SERPINE3: variants seen among roughly 807,000 people sequenced by gnomAD.
SERPINE3 encodes the protein serpin family E member 3.
Under a neutral mutation model 41.7 loss-of-function variants are expected in SERPINE3, and 43 were observed. That is an observed-to-expected ratio of 1.03 (90% confidence interval 0.81 to 1.33). The LOEUF is 1.33. Among genes scored for constraint, SERPINE3 ranks in the 40% most tolerant of loss-of-function variants. SERPINE3 has a pLI of 0.00. For synonymous variants in SERPINE3, 200 were observed against 192.2 expected, an observed-to-expected ratio of 1.04 and a Z score of -0.34; for missense variants, 440 against 491.7, an observed-to-expected ratio of 0.89 and a Z score of 0.99.
chr13:51,353,126 C>A (rs1006773796), intron 6 of SERPINE3, among the ~76,000 whole-genome samples: 1 of 152,068 alleles, frequency 6.6e-6, no homozygotes, highest in African/African-American at 2.4e-5. Context: ...TGTAGCATTT[C>A]TGCTGGATCT....
At chr13:51,346,977 G>A in intron 4 of SERPINE3, 48 bp from the exon 5 acceptor site, 1 of 1,417,842 alleles carries the variant, frequency 7.1e-7, no homozygotes. Flanking sequence ...GTTCGGTTCA[G>A]TTTCAATGCA....
At chr13:51,357,501 C>G (rs1955497945) in intron 7 of SERPINE3, among the ~76,000 whole-genome samples, 2 of 152,142 alleles carry the variant, frequency 1.3e-5, no homozygotes, top group Non-Finnish European at 2.9e-5. Flanking sequence ...ACCACCACAG[C>G]AAACATTTGG....
chr13:51,347,028 G>GGGGCCCCAGTGA lies in SERPINE3; in HGVS notation c.501_512dup (p.Ser168_Pro171dup). The GGGGCCCCAGTGA allele has an allele frequency of 1.3e-6, 2 of 1,575,916 alleles. No homozygotes were observed. The highest frequency in any genetic ancestry group is 8.6e-7 in the Non-Finnish European group (1 of 1,160,074). Reference sequence around the variant, plus strand: ...CACCTTGCTTTCCTGCTTGCAGGTGGGGGCCCCAGTGAGGGCCCTGGTGGC... The same window carrying GGGGCCCCAGTGA: ...CACCTTGCTTTCCTGCTTGCAGGTGGGGGCCCCAGTGAGGGCCCCAGTGAGGGCCCTGGTGGC... On this transcript the variant is annotated inframe_insertion, in exon 5 of 10. Coordinates refer to ENST00000681248, the MANE Select transcript of SERPINE3 (RefSeq NM_001386375.1).
At chr13:51,342,896 C>T (rs979031568) in intron 3 of SERPINE3, among the ~76,000 whole-genome samples, 1 of 152,166 alleles carries the variant, frequency 6.6e-6, no homozygotes, top group Non-Finnish European at 1.5e-5. Context: ...TTAAGTTAGG[C>T]TGATTCATGA....
intron 3 of SERPINE3, 80 bp from the exon 4 acceptor site, chr13:51,344,172 A>G (rs1955321165): frequency 2.0e-6 from 2 of 999,874 alleles, no homozygotes; most frequent in African/African-American, 1.6e-5. Context: ...GTTCCATCTC[A>G]ATGCAATGTG....
chr13:51,355,165 A>G, intron 7 of SERPINE3, 22 bp downstream of exon 7: 1 of 1,241,000 alleles, frequency 8.1e-7, no homozygotes, highest in Non-Finnish European at 1.2e-6. Context: ...TCTTCTTCCA[A>G]ACGTTCTAGC....
At position 51,348,325 on chromosome 13, in the gene SERPINE3, C is replaced by A; in HGVS notation, c.813C>A (p.Ser271Arg). The change falls in exon 6 of 10, where the codon AGC becomes AGA. Residue 271 changes from serine (S) to arginine (R), a missense_variant. Ser to Arg is a moderately radical substitution (Grantham distance 110). Coordinates refer to ENST00000681248, the MANE Select transcript of SERPINE3 (RefSeq NM_001386375.1). ...CCCGTGACAAAGACACCCCCCTGAG[C>A]CACATCGAGCCACACCTCACAGCCA... The part of the protein sequence containing the change: ...VLPRDKDTPL[S>R]HIEPHLTAST... The A allele has an allele frequency of 1.4e-5, 22 of 1,613,908 alleles. No individual in the cohort carries two copies. The highest frequency in any genetic ancestry group is 1.9e-5 in the Non-Finnish European group (22 of 1,179,866).
chr13:51,346,006 C>G (rs894310600), intron 4 of SERPINE3, among the ~76,000 whole-genome samples: 3 of 152,124 alleles, frequency 2.0e-5, no homozygotes, highest in South Asian at 4.1e-4. Flanking sequence ...GTGGCTTCAC[C>G]CCTCATAAGT....
At chr13:51,343,865 C>G (rs965689229) in intron 3 of SERPINE3, among the ~76,000 whole-genome samples, 4 of 152,186 alleles carry the variant, frequency 2.6e-5, no homozygotes, top group African/African-American at 9.7e-5. Flanking sequence ...TGTTTGAAAC[C>G]CCATCACCCT....
intron 4 of SERPINE3, among the ~76,000 whole-genome samples, chr13:51,346,816 G>A (rs1264726991): frequency 1.3e-5 from 2 of 152,210 alleles, no homozygotes; most frequent in Non-Finnish European, 2.9e-5. Context: ...GGTGCCTTGG[G>A]TCCCTGACAG....
chr13:51,363,965 T>C lies in SERPINE3; in HGVS notation c.1172-274T>C, dbSNP rs151246480. ...TGGGCTGAATCTCTTTCCTAGATAC[T>C]CTTGTTAAGTATGAATTTTTATCTG... On this transcript the variant is annotated intron_variant, in intron 9 of 9. Coordinates refer to ENST00000681248, the MANE Select transcript of SERPINE3 (RefSeq NM_001386375.1). 1.7e-4 allele frequency: 42 copies of C among 242,276 alleles called. No individual in the cohort carries two copies. In the East Asian group the frequency reaches 3.3e-3, roughly 19 times the overall value. 15.0% of individuals were successfully genotyped at this position (242,276 alleles called of 1,614,324 possible). A position where few individuals can be genotyped will look rare whatever the true frequency, so the allele number is the denominator to read the frequency against.
intron 3 of SERPINE3, among the ~76,000 whole-genome samples, chr13:51,342,563 A>T (rs926201875): frequency 5.3e-5 from 8 of 152,178 alleles, no homozygotes; most frequent in African/African-American, 1.9e-4. Flanking sequence ...ATGTGCATGG[A>T]CAAACTAGGC....
chr13:51,347,288 G>A, intron 5 of SERPINE3, 54 bp downstream of exon 5: 1 of 1,516,552 alleles, frequency 6.6e-7, no homozygotes, highest in Non-Finnish European at 9.1e-7. Context: ...TGGGCCTGAG[G>A]GCAGGAGAGA....
chr13:51,343,058 G>T (rs572734005), intron 3 of SERPINE3, among the ~76,000 whole-genome samples: 2 of 152,192 alleles, frequency 1.3e-5, no homozygotes, highest in East Asian at 3.9e-4. Flanking sequence ...CTGGGTTCCC[G>T]TGCCTCCAGA....
chr13:51,352,684 TC>T (rs1955417932), intron 6 of SERPINE3, among the ~76,000 whole-genome samples: 1 of 152,150 alleles, frequency 6.6e-6, no homozygotes, highest in Admixed American at 6.5e-5. Context: ...GGGAAAGTTT[TC>T]AGTCTTTTAC....
At chr13:51,344,162 G>T in intron 3 of SERPINE3, 90 bp from the exon 4 acceptor site, 1 of 908,956 alleles carries the variant, frequency 1.1e-6, no homozygotes, top group South Asian at 1.5e-5. Context: ...AGTTGCTGGC[G>T]TTCCATCTCA....
intron 7 of SERPINE3, among the ~76,000 whole-genome samples, chr13:51,358,250 A>G (rs1241824388): frequency 6.6e-6 from 1 of 152,142 alleles, no homozygotes; most frequent in Non-Finnish European, 1.5e-5. Flanking sequence ...TCTGGCAATA[A>G]CATTTTAAAA....
intron 7 of SERPINE3, 80 bp downstream of exon 7, chr13:51,355,223 T>TTACACAGAGCCTTCAGTGGTAAACAA: frequency 1.5e-6 from 1 of 684,048 alleles, no homozygotes; most frequent in African/African-American, 1.8e-5. Flanking sequence ...GGATTCTCAT[T>TTACACAGAGCCTTCAGTGGTAAACAA]TCAGAGTCAA....
At position 51,364,519 on chromosome 13, in the gene SERPINE3, A is replaced by C. The variant is rs1463649260; in HGVS notation, c.*237A>C. 7 of 409,596 alleles carry C rather than the reference A, an allele frequency of 1.7e-5. No homozygotes were observed. The highest frequency in any genetic ancestry group is 1.3e-5 in the Non-Finnish European group (3 of 229,974). 25.4% of individuals were successfully genotyped at this position (409,596 alleles called of 1,614,324 possible). A position where few individuals can be genotyped will look rare whatever the true frequency, so the allele number is the denominator to read the frequency against. On this transcript the variant is annotated 3_prime_UTR_variant, in exon 10 of 10. Coordinates refer to ENST00000681248, the MANE Select transcript of SERPINE3 (RefSeq NM_001386375.1). ...TACTGCTTACCCCCCAAACCACTAA[A>C]AGGCACAGCAGTGATCATGAATGGT...
Sources: allele counts gnomAD v4.1 joint callset (sites outside exome capture counted in the v4.1 genomes callset), GRCh38; gene constraint gnomAD v4.1.1; transcripts MANE v1.5; gene names NCBI Gene and HGNC (gene_info 2026-07-23, HGNC 2026-07-21).